Variants in MBP observed in about 807,000 individuals in gnomAD.
MBP encodes Golli-MBP.
In MBP, 16 loss-of-function variants were observed where a neutral mutation model predicts 35.8. The ratio of observed to expected loss-of-function variants is 0.45; its 90% CI spans 0.30 to 0.68. The LOEUF (loss-of-function observed/expected upper bound fraction) is 0.68, where lower values mean the gene tolerates loss of function less well. Among genes scored for constraint, MBP ranks in the 30% least tolerant of loss-of-function variants. The pLI is 0.08. For synonymous variants in MBP, 143 were observed against 159.6 expected (o/e 0.90, Z 0.78); for missense variants, 380 against 404.7 (o/e 0.94, Z 0.52).
chr18:77,088,138 G>C (rs1464665461), intron 2 of MBP, among the ~76,000 whole-genome samples: 2 of 152,188 alleles, frequency 1.3e-5, no homozygotes, highest in Admixed American at 1.3e-4. Flanking sequence ...ATGCGTCTTC[G>C]AGTGCTGGGG....
intron 2 of MBP, among the ~76,000 whole-genome samples, chr18:77,086,624 G>A (rs1437879482): frequency 6.6e-6 from 1 of 152,188 alleles, no homozygotes; most frequent in Non-Finnish European, 1.5e-5. Context: ...AGTTATTCAT[G>A]AAACAATACT....
chr18:76,984,914 A>T lies in MBP; in HGVS notation c.751-20T>A. Reference sequence around the variant, plus strand: ...GGCCCCCTGCAAGAGAAGACCACGGAGCTCAACCTCCACCCGCGGTGCTGG... The same window carrying T: ...GGCCCCCTGCAAGAGAAGACCACGGTGCTCAACCTCCACCCGCGGTGCTGG... On this transcript the variant is annotated intron_variant, in intron 7 of 8. Coordinates refer to ENST00000355994, the MANE Select transcript of MBP (RefSeq NM_001025101.2). 1 of 1,611,798 alleles carries T rather than the reference A, an allele frequency of 6.2e-7. No individual in the cohort carries two copies. The highest frequency in any genetic ancestry group is 8.5e-7 in the Non-Finnish European group (1 of 1,179,782).
At chr18:76,998,650 A>C (rs1042638055) in intron 4 of MBP, among the ~76,000 whole-genome samples, 1 of 152,136 alleles carries the variant, frequency 6.6e-6, no homozygotes. Flanking sequence ...GCATCGGGAC[A>C]TTGCTGCTCT....
chr18:76,985,286 G>A, intron 7 of MBP: 1 of 1,310,160 alleles, frequency 7.6e-7, no homozygotes. Context: ...CACGGGTTTG[G>A]AGGACTCGGA....
At chr18:77,082,132 G>A (rs1028834494) in intron 2 of MBP, among the ~76,000 whole-genome samples, 10 of 152,168 alleles carry the variant, frequency 6.6e-5, no homozygotes, top group South Asian at 4.2e-4. Flanking sequence ...GATTACAGGC[G>A]TGAGCCACTG....
chr18:77,025,320 G>A (rs2039264026), intron 3 of MBP, among the ~76,000 whole-genome samples: 1 of 152,114 alleles, frequency 6.6e-6, no homozygotes, highest in Non-Finnish European at 1.5e-5. Context: ...CTTCACGGAG[G>A]GCTGACCAGG....
intron 3 of MBP, among the ~76,000 whole-genome samples, chr18:77,061,540 G>A (rs1188738419): frequency 1.3e-5 from 2 of 152,136 alleles, no homozygotes; most frequent in Non-Finnish European, 2.9e-5. Context: ...ACAGCTAAAA[G>A]GTGGTAGGGC....
chr18:77,130,685 G>GTTTTTTTTTTTTTTTTTTTTTTTTTT (rs71999921), intron 1 of MBP, among the ~76,000 whole-genome samples: 1 of 146,044 alleles, frequency 6.8e-6, no homozygotes. Flanking sequence ...TTGGTCTCTT[G>GTTTTTTTTTTTTTTTTTTTTTTTTTT]TTTTTTTTTT....
In MBP at chr18:76,988,411, C is replaced by T. The variant is rs1969689757; in HGVS notation, c.750+84G>A. On this transcript the variant is annotated intron_variant, in intron 7 of 8. Coordinates refer to ENST00000355994, the MANE Select transcript of MBP (RefSeq NM_001025101.2). This position sits in a 1 kb window ranked among gnomAD's most constrained non-coding sequence, Gnocchi z 5.2. ...AGAGAAAAGGAGGCCAGGAAGCAAC[C>T]GAAACAGAGCAGAACACAAAAGTTG... 2.5e-6 allele frequency: 4 copies of T among 1,614,024 alleles called. No homozygotes were observed. Among genetic ancestry groups the T allele is most frequent in the Non-Finnish European group, 3.4e-6 (4 of 1,179,962 alleles).
intron 1 of MBP, among the ~76,000 whole-genome samples, chr18:77,125,730 AGT>A (rs919548509): frequency 4.6e-5 from 7 of 152,162 alleles, no homozygotes; most frequent in Non-Finnish European, 8.8e-5. Flanking sequence ...ATGGGGAATT[AGT>A]GTGTTTCCCT....
intron 1 of MBP, among the ~76,000 whole-genome samples, chr18:77,112,025 A>T (rs1399247909): frequency 6.6e-6 from 1 of 152,026 alleles, no homozygotes; most frequent in East Asian, 1.9e-4. Context: ...TTATTCTACC[A>T]ATACCCAAGC....
At position 77,071,431 on chromosome 18, in the gene MBP, G is replaced by A. The variant is rs566134881; in HGVS notation, c.52-5046C>T. On this transcript the variant is annotated intron_variant, in intron 2 of 8. Transcript: ENST00000355994. ...AAGCTTGTCCAGCCCATCTTATTTT[G>A]TTGTTGCTCTTCTGTTTTGTTTTGT... Among the ~76,000 whole-genome samples, 165 of 152,202 alleles carry A rather than the reference G, an allele frequency of 1.1e-3. 1 individual carries two copies. The highest frequency in any genetic ancestry group is 3.6e-3 in the African/African-American group (151 of 41,554).
chr18:77,069,615 A>C (rs1460020738), intron 2 of MBP, among the ~76,000 whole-genome samples: 2 of 152,188 alleles, frequency 1.3e-5, no homozygotes, highest in African/African-American at 4.8e-5. Context: ...TCAGATGCAG[A>C]GTGAAAGCTG....
intron 3 of MBP, chr18:77,017,479 A>G (rs1372583202): frequency 5.4e-5 from 22 of 403,922 alleles, no homozygotes; most frequent in Non-Finnish European, 1.7e-5. Context: ...GGAATTCCTC[A>G]GTTACTCGAG....
intron 3 of MBP, among the ~76,000 whole-genome samples, chr18:77,034,721 C>T (rs144229113): frequency 4.6e-5 from 7 of 152,320 alleles, no homozygotes; most frequent in African/African-American, 1.2e-4. Flanking sequence ...CCTCCCTGAT[C>T]GCTCCTTCGG....
Position 76,989,054 on chromosome 18 carries a change from CT to C in MBP, c.682-143del, listed in dbSNP as rs778352979. On this transcript the variant is annotated intron_variant, in intron 5 of 8. Coordinates refer to ENST00000355994, the MANE Select transcript of MBP (RefSeq NM_001025101.2). This position sits in a 1 kb window ranked among gnomAD's most constrained non-coding sequence, Gnocchi z 4.0. ...GGTGCCCAGCCTCCCCACTTCTGTCCTAGTTGGTGAAGAAGTATAGACCTGA... is the reference window on the plus strand; with the variant it reads ...GGTGCCCAGCCTCCCCACTTCTGTCCAGTTGGTGAAGAAGTATAGACCTGA... 3.8e-6 allele frequency: 3 copies of C among 785,036 alleles called. No individual in the cohort carries two copies. Among genetic ancestry groups the C allele is most frequent in the Non-Finnish European group, 7.0e-6 (3 of 427,548 alleles). The allele number at this position is 785,036 out of a possible 1,614,324, so 48.6% of individuals were successfully genotyped here.
At chr18:77,018,964 T>TCATCCATG (rs1971850454) in intron 3 of MBP, among the ~76,000 whole-genome samples, 1 of 122,480 alleles carries the variant, frequency 8.2e-6, no homozygotes, top group Non-Finnish European at 1.7e-5. Flanking sequence ...ATCTATCCAT[T>TCATCCATG]CATCCATCCA....
intron 4 of MBP, among the ~76,000 whole-genome samples, chr18:76,998,579 C>G (rs562737612): frequency 2.6e-5 from 4 of 152,336 alleles, no homozygotes; most frequent in African/African-American, 7.2e-5. Flanking sequence ...CCTCCTTTCC[C>G]CAACAGCCTG....
intron 7 of MBP, chr18:76,987,838 C>T: frequency 9.6e-7 from 1 of 1,038,020 alleles, no homozygotes. Context: ...GGCTCAGACA[C>T]CAAATTTTTT....
Sources: gnomAD v4.1 joint callset for allele counts (sites outside exome capture counted in the v4.1 genomes callset) on GRCh38, gnomAD v4.1.1 for gene constraint, Gnocchi (gnomAD v3.1) non-coding constraint, MANE v1.5 for transcripts, NCBI Gene and HGNC (gene_info 2026-07-23, HGNC 2026-07-21) for gene names.